Variants in TENM1 observed in about 807,000 individuals in gnomAD.
TENM1 encodes teneurin transmembrane protein 1.
Under a neutral mutation model 174.8 loss-of-function variants are expected in TENM1, and 35 were observed. That is an observed-to-expected ratio of 0.20 (90% CI 0.15 to 0.27). TENM1 has a LOEUF of 0.27. TENM1 is among the 10% of genes least tolerant of loss of function. TENM1 has a pLI of 1.00. For synonymous variants in TENM1, 781 were observed against 798.7 expected, an observed-to-expected ratio of 0.98 and a Z score of 0.37; for missense variants, 1,633 against 2,130.1, an observed-to-expected ratio of 0.77 and a Z score of 4.59.
the TENM1 span, among the ~76,000 whole-genome samples, chrX:125,185,522 T>C: frequency 8.9e-6 from 1 of 112,636 alleles, no homozygotes; most frequent in East Asian, 2.8e-4. Flanking sequence ...AAACAATGCA[T>C]TTCATTTACA....
chrX:124,972,202 C>T, the TENM1 span, among the ~76,000 whole-genome samples: 7 of 107,016 alleles, frequency 6.5e-5, no homozygotes, highest in Non-Finnish European at 9.6e-5. Context: ...CACTGCACTT[C>T]AGCCTAGGTG....
chrX:124,966,570 G>A (rs893461675), upstream of TENM1, among the ~76,000 whole-genome samples: 9 of 106,743 alleles, frequency 8.4e-5, no homozygotes, highest in Admixed American at 8.9e-4. Context: ...GCTGAGGCAG[G>A]AGAATGGCGT....
chrX:125,175,142 G>A, the TENM1 span, among the ~76,000 whole-genome samples: 1 of 110,871 alleles, frequency 9.0e-6, no homozygotes, highest in Non-Finnish European at 1.9e-5. Context: ...TAACAACTAT[G>A]TCAGTCACCT....
chrX:124,579,316 A>G (rs915925274), intron 11 of TENM1, among the ~76,000 whole-genome samples: 1 of 112,086 alleles, frequency 8.9e-6, no homozygotes, highest in Non-Finnish European at 1.9e-5. Flanking sequence ...ACGGTTCTCC[A>G]GCTTGCATCC....
At chrX:124,820,282 T>A (rs1257094729) in intron 3 of TENM1, among the ~76,000 whole-genome samples, 2 of 111,519 alleles carry the variant, frequency 1.8e-5, no homozygotes. Context: ...TCTTTCCTTA[T>A]ACAGTTTTAT....
At chrX:124,466,675 T>G (rs2061244558) in intron 22 of TENM1, among the ~76,000 whole-genome samples, 1 of 111,582 alleles carries the variant, frequency 9.0e-6, no homozygotes, top group African/African-American at 3.3e-5. Context: ...TTCTCAAAAT[T>G]TCAAGTATAA....
exon 16 of TENM1, chrX:124,529,876 C>T: frequency 8.3e-7 from 1 of 1,211,028 alleles, no homozygotes; most frequent in Non-Finnish European, 1.1e-6. Flanking sequence ...TCCATCTTGC[C>T]GGCTGATGGT....
chrX:124,547,351 G>C (rs1023024382), intron 14 of TENM1, among the ~76,000 whole-genome samples: 1 of 111,645 alleles, frequency 9.0e-6, no homozygotes, highest in Admixed American at 9.5e-5. Context: ...GGAGAATATA[G>C]TTTATATAGT....
In TENM1 at chrX:124,642,009, T is replaced by C. The variant is rs779272420; in HGVS notation, c.1877-18A>G. The C allele has an allele frequency of 1.7e-6, 2 of 1,171,719 alleles. No individual in the cohort carries two copies. Among genetic ancestry groups the C allele is most frequent in the African/African-American group, 3.5e-5 (2 of 56,694 alleles). ...GCAGTCCTCTGAAGGCACAAAAAAG[T>C]GGGGGGGAGGGGTGATTAATAGTGA... On this transcript the variant is annotated intron_variant, in intron 10 of 31. Transcript: ENST00000422452.
exon 5 of TENM1, chrX:124,705,192 T>G (rs756194735): frequency 4.1e-6 from 5 of 1,208,569 alleles, no homozygotes; most frequent in Non-Finnish European, 4.5e-6. Flanking sequence ...CAGAGGGTAG[T>G]TCTGACTGGC....
intron 11 of TENM1, among the ~76,000 whole-genome samples, chrX:124,576,056 C>G (rs1047647644): frequency 9.0e-6 from 1 of 111,137 alleles, no homozygotes; most frequent in Non-Finnish European, 1.9e-5. Flanking sequence ...CCTAAAGGAG[C>G]AAATATTAAC....
chrX:124,977,939 AGTGTGTGT>A, the TENM1 span, among the ~76,000 whole-genome samples: 5 of 55,763 alleles, frequency 9.0e-5, no homozygotes, highest in African/African-American at 1.2e-4. Flanking sequence ...GGCTCTGTTT[AGTGTGTGT>A]GTGTGTGTGT....
the TENM1 span, among the ~76,000 whole-genome samples, chrX:125,032,281 T>C: frequency 1.8e-5 from 2 of 110,224 alleles, no homozygotes; most frequent in South Asian, 8.0e-4. Flanking sequence ...GCTATTCTCC[T>C]ATCTCAGCCT....
chrX:124,940,586 A>G (rs2058311430), intron 1 of TENM1, among the ~76,000 whole-genome samples: 1 of 110,980 alleles, frequency 9.0e-6, no homozygotes. Context: ...TAACTTATAT[A>G]CTAACTTTCC....
chrX:124,724,466 G>C (rs66511017), intron 4 of TENM1, among the ~76,000 whole-genome samples: 13,646 of 111,550 alleles, frequency 0.12, 956 homozygotes, highest in African/African-American at 0.27. Context: ...TTGAAGTGGG[G>C]AGGTTGCTAT....
At chrX:125,110,871 TG>T in the TENM1 span, among the ~76,000 whole-genome samples, 1 of 111,842 alleles carries the variant, frequency 8.9e-6, no homozygotes, top group African/African-American at 3.2e-5. Flanking sequence ...TCCAAAAAGC[TG>T]TGTGTCTGCT....
At chrX:124,955,979 C>T (rs2058568294) in intron 1 of TENM1, among the ~76,000 whole-genome samples, 1 of 111,633 alleles carries the variant, frequency 9.0e-6, no homozygotes, top group African/African-American at 3.3e-5. Flanking sequence ...CTTAGCATCT[C>T]TGTGCTTATT....
chrX:124,528,446 C>G (rs961975130), intron 16 of TENM1, among the ~76,000 whole-genome samples: 4 of 110,905 alleles, frequency 3.6e-5, no homozygotes, highest in African/African-American at 1.3e-4. Flanking sequence ...AAGTCAAAGT[C>G]AAATGTCTCA....
chrX:125,152,972 T>C, the TENM1 span, among the ~76,000 whole-genome samples: 7 of 111,876 alleles, frequency 6.3e-5, no homozygotes, highest in African/African-American at 1.3e-4. Flanking sequence ...TAATATTCAG[T>C]TACCGCTTGT....
Sources: allele counts gnomAD v4.1 joint callset (sites outside exome capture counted in the v4.1 genomes callset), GRCh38; gene constraint gnomAD v4.1.1; transcripts MANE v1.5; gene names NCBI Gene and HGNC (gene_info 2026-07-23, HGNC 2026-07-21).